The following USO1 variants were observed in gnomAD, a reference collection of about 807,000 sequenced individuals.
The protein encoded by USO1 is USO1 vesicle transport factor.
Under a neutral mutation model 124.5 loss-of-function variants are expected in USO1, and 57 were observed. The ratio of observed to expected loss-of-function variants is 0.46; its 90% CI spans 0.37 to 0.57. The LOEUF is 0.57. USO1 is among the 20% of genes least tolerant of loss of function. The pLI is 0.00. For missense variants in USO1, 900 were observed against 1,040.6 expected (o/e 0.86, Z 1.86); for synonymous variants, 369 against 362.8 (o/e 1.02, Z -0.19).
At chr4:75,772,987 A>C (rs574123619) in intron 7 of USO1, among the ~76,000 whole-genome samples, 203 of 152,126 alleles carry the variant, frequency 1.3e-3, no homozygotes, top group Non-Finnish European at 2.0e-3. Context: ...AATACCAGCT[A>C]CTTGGGAGGC....
At chr4:75,775,114 G>T (rs959393941) in intron 8 of USO1, among the ~76,000 whole-genome samples, 73 of 152,190 alleles carry the variant, frequency 4.8e-4, no homozygotes, top group African/African-American at 1.7e-3. Context: ...ATAGGGAGTT[G>T]AGTTGAAGGC....
intron 7 of USO1, 31 bp from the exon 8 acceptor site, chr4:75,774,645 C>A: frequency 6.6e-7 from 1 of 1,519,442 alleles, no homozygotes; most frequent in Non-Finnish European, 8.8e-7. Flanking sequence ...AAATTTTGTA[C>A]TCCACTAAAC....
At chr4:75,748,035 G>A (rs1211523854) in intron 1 of USO1, among the ~76,000 whole-genome samples, 1 of 150,256 alleles carries the variant, frequency 6.7e-6, no homozygotes, top group Admixed American at 6.7e-5. Flanking sequence ...AGCCTCCTGA[G>A]CAGCTGGAAT....
chr4:75,771,105 C>T lies in USO1; in HGVS notation c.523C>T (p.Leu175=), dbSNP rs146437956. The part of the protein sequence containing the change: ...PMGVSRLMDL[L]ADSREVIRND... ...AGGTGTTTCAAGATTGATGGACTTACTAGCGGATTCCAGGGAAGTTATACG... is the reference window on the plus strand; with the variant it reads ...AGGTGTTTCAAGATTGATGGACTTATTAGCGGATTCCAGGGAAGTTATACG... Residue 175 remains leucine (L), a synonymous_variant, in exon 7 of 24, where the codon CTA becomes TTA. Coordinates refer to ENST00000514213, the MANE Select transcript of USO1 (RefSeq NM_003715.4). 105 of 1,611,682 alleles carry T rather than the reference C, an allele frequency of 6.5e-5. No individual in the cohort carries two copies. The East Asian group carries it at 7.8e-4, about 12-fold the overall frequency.
chr4:75,790,493 C>G (rs939066853), intron 11 of USO1, 150 bp from the exon 12 acceptor site: 10 of 1,286,736 alleles, frequency 7.8e-6, no homozygotes, highest in Non-Finnish European at 1.0e-5. Context: ...TCACTTCTGT[C>G]AGTTACAGTT....
intron 13 of USO1, chr4:75,795,452 G>C: frequency 1.5e-6 from 1 of 677,794 alleles, no homozygotes; most frequent in Non-Finnish European, 2.7e-6. Flanking sequence ...TTAACTGCTT[G>C]TTTGAAGTTA....
chr4:75,752,904 C>T (rs1577937250), intron 3 of USO1, among the ~76,000 whole-genome samples: 1 of 152,004 alleles, frequency 6.6e-6, no homozygotes, highest in African/African-American at 2.4e-5. Context: ...GGACAGAGTG[C>T]GAGCCACTGT....
At chr4:75,764,554 T>A (rs1721710404) in intron 4 of USO1, among the ~76,000 whole-genome samples, 2 of 152,234 alleles carry the variant, frequency 1.3e-5, no homozygotes, top group Non-Finnish European at 2.9e-5. Flanking sequence ...TGTTTACATA[T>A]GTAAAAATAT....
chr4:75,744,917 A>C, intron 1 of USO1: 1 of 509,268 alleles, frequency 2.0e-6, no homozygotes, highest in Non-Finnish European at 3.9e-6. Context: ...ATTGCTCTAA[A>C]ACAAATTTCT....
At chr4:75,761,367 G>A (rs1721602464) in intron 4 of USO1, among the ~76,000 whole-genome samples, 1 of 152,108 alleles carries the variant, frequency 6.6e-6, no homozygotes, top group Non-Finnish European at 1.5e-5. Context: ...AGCAATGATT[G>A]CACCTGTGAA....
In USO1 at chr4:75,800,811, G is replaced by T. The variant is rs1336125683; in HGVS notation, c.1864+12G>T. The T allele has an allele frequency of 3.7e-6, 6 of 1,606,328 alleles. No individual in the cohort carries two copies. The highest frequency in any genetic ancestry group is 1.3e-5 in the African/African-American group (1 of 74,526). ...AAAAGAACTTGAAGGTAAGACTGAA[G>T]ATTTATATTGATATTTGATGGAAAG... On this transcript the variant is annotated intron_variant, in intron 16 of 23. Transcript: ENST00000514213.
At position 75,748,881 on chromosome 4, in the gene USO1, C is replaced by A. The variant is rs749757017; in HGVS notation, c.67-3492C>A. Among the ~76,000 whole-genome samples the A allele has an allele frequency of 3.8e-4, 58 of 152,128 alleles. 1 individual carries two copies. Among genetic ancestry groups the A allele is most frequent in the Non-Finnish European group, 6.6e-4 (45 of 68,006 alleles). ...GAAAACTATTTTGACTCAATAAATT[C>A]TTTAAGCTGAGAGTAATGAGGTTCA... is the stretch of plus-strand genomic sequence containing the variant. On this transcript the variant is annotated intron_variant, in intron 1 of 23. Transcript: ENST00000514213.
At chr4:75,739,396 T>G (rs1018018896) in intron 1 of USO1, among the ~76,000 whole-genome samples, 3 of 152,154 alleles carry the variant, frequency 2.0e-5, no homozygotes, top group Non-Finnish European at 4.4e-5. Flanking sequence ...GTGAAAAATT[T>G]GATTCTCCCA....
In USO1 at chr4:75,800,673, AAACT is replaced by A; in HGVS notation, c.1740_1743del (p.Leu581AspfsTer26). 6.3e-7 allele frequency: 1 copy of A among 1,597,240 alleles called. No homozygotes were observed. Among genetic ancestry groups the A allele is most frequent in the Non-Finnish European group, 8.5e-7 (1 of 1,175,168 alleles). On this transcript the variant is annotated frameshift_variant, in exon 16 of 24. Coordinates refer to ENST00000514213, the MANE Select transcript of USO1 (RefSeq NM_003715.4). LOFTEE classifies it high-confidence loss of function. ...GATTGGCAAAGAGAATTTCATAGAG[AAACT>A]AGGATTTATTAGCAAACATGAGTTG...
chr4:75,786,245 C>T (rs1722357379), intron 9 of USO1, among the ~76,000 whole-genome samples: 1 of 152,044 alleles, frequency 6.6e-6, no homozygotes, highest in South Asian at 2.1e-4. Context: ...TGTAGTAATA[C>T]AAGTGTTTTA....
At chr4:75,739,040 G>C (rs2149142514) in intron 1 of USO1, among the ~76,000 whole-genome samples, 1 of 152,122 alleles carries the variant, frequency 6.6e-6, no homozygotes. Flanking sequence ...CTTTAGTAGA[G>C]ACAGGGTTTC....
intron 3 of USO1, among the ~76,000 whole-genome samples, chr4:75,753,912 T>A (rs2149155733): frequency 6.6e-6 from 1 of 151,254 alleles, no homozygotes; most frequent in East Asian, 2.0e-4. Flanking sequence ...GCCTCCCAAG[T>A]AGCTGGTACC....
chr4:75,724,580 T>A lies in USO1; in HGVS notation c.-240T>A. 5.6e-6 allele frequency: 3 copies of A among 534,918 alleles called. No individual in the cohort carries two copies. In the East Asian group the frequency reaches 1.0e-4, roughly 19 times the overall value. 33.1% of individuals were successfully genotyped at this position (534,918 alleles called of 1,614,324 possible). A position where few individuals can be genotyped will look rare whatever the true frequency, so the allele number is the denominator to read the frequency against. On this transcript the variant is annotated 5_prime_UTR_variant, in exon 1 of 24. Transcript: ENST00000514213. ...GAGGTTCCTCTCGCCTCCGCTCCCC[T>A]TTTGCCTTCAACCTTCGAGCCGCCA...
intron 10 of USO1, 55 bp downstream of exon 10, chr4:75,787,257 G>A: frequency 7.2e-7 from 1 of 1,379,646 alleles, no homozygotes; most frequent in South Asian, 2.1e-5. Context: ...CTGAATCCTA[G>A]GAAGAATTAG....
Sources: gnomAD v4.1 joint callset for allele counts (sites outside exome capture counted in the v4.1 genomes callset) on GRCh38, gnomAD v4.1.1 for gene constraint, MANE v1.5 for transcripts, NCBI Gene and HGNC (gene_info 2026-07-23, HGNC 2026-07-21) for gene names.